KIF16B: variants seen among roughly 807,000 people sequenced by gnomAD.
The protein encoded by KIF16B is kinesin-like protein KIF16B.
KIF16B carries 98 observed loss-of-function variants against 156.3 expected under a neutral mutation model. The ratio of observed to expected loss-of-function variants is 0.63; its 90% CI spans 0.53 to 0.74. The LOEUF (loss-of-function observed/expected upper bound fraction) is 0.74. KIF16B is among the 30% of genes least tolerant of loss of function. The pLI is 0.00. For synonymous variants in KIF16B, 564 were observed against 583.7 expected, an observed-to-expected ratio of 0.97 and a Z score of 0.49; for missense variants, 1,421 against 1,606.5, an observed-to-expected ratio of 0.88 and a Z score of 1.97.
chr20:16,532,349 C>T (rs780441758), intron 1 of KIF16B, among the ~76,000 whole-genome samples: 6 of 152,134 alleles, frequency 3.9e-5, no homozygotes, highest in Admixed American at 6.5e-5. Context: ...TGAACAAACC[C>T]AAAAAGCATT....
chr20:16,396,418 T>TA (rs1221170119), intron 17 of KIF16B, among the ~76,000 whole-genome samples: 1 of 151,900 alleles, frequency 6.6e-6, no homozygotes, highest in South Asian at 2.1e-4. Context: ...TAAAATAATG[T>TA]AAAAAAATTT....
intron 1 of KIF16B, among the ~76,000 whole-genome samples, chr20:16,531,962 G>C (rs1213726735): frequency 1.3e-5 from 2 of 151,842 alleles, no homozygotes; most frequent in Non-Finnish European, 2.9e-5. Context: ...CAGTTACTTG[G>C]GAGGCTGAGG....
At chr20:16,488,579 T>C (rs923154609) in intron 12 of KIF16B, among the ~76,000 whole-genome samples, 6 of 152,046 alleles carry the variant, frequency 3.9e-5, no homozygotes, top group Admixed American at 2.0e-4. Flanking sequence ...CAATAAAACA[T>C]AGGGGACTTG....
intron 17 of KIF16B, among the ~76,000 whole-genome samples, chr20:16,396,224 G>T (rs11906447): frequency 1.3e-5 from 2 of 151,898 alleles, no homozygotes; most frequent in African/African-American, 4.8e-5. Context: ...TCTAGGTTGC[G>T]CGCTCCTTAT....
At chr20:16,555,396 C>T (rs1224717043) in intron 1 of KIF16B, among the ~76,000 whole-genome samples, 1 of 152,166 alleles carries the variant, frequency 6.6e-6, no homozygotes, top group East Asian at 1.9e-4. Flanking sequence ...AGAACCTACC[C>T]TTCCACATGC....
intron 12 of KIF16B, among the ~76,000 whole-genome samples, chr20:16,456,130 TACA>T (rs1377668115): frequency 3.8e-4 from 58 of 151,856 alleles, no homozygotes; most frequent in African/African-American, 1.4e-3. Context: ...TACAATACAA[TACA>T]ATACAATACA....
At chr20:16,565,110 T>C (rs1397961777) in intron 1 of KIF16B, among the ~76,000 whole-genome samples, 2 of 152,244 alleles carry the variant, frequency 1.3e-5, no homozygotes, top group African/African-American at 4.8e-5. Context: ...ATTTATTTAT[T>C]TCATCTGATC....
chr20:16,302,375 GA>G lies in KIF16B; in HGVS notation c.3795+9959del, dbSNP rs548458345. ...CCATTTATTGAAAAGACTATTTGTT[GA>G]AAAGACTATCTTTACTTCATTTTAT... is the stretch of plus-strand genomic sequence containing the variant. On this transcript the variant is annotated intron_variant, in intron 25 of 25. Transcript: ENST00000354981. 8.9e-4 allele frequency among the ~76,000 whole-genome samples: 136 copies of G among 152,304 alleles called. 1 individual carries two copies. Among genetic ancestry groups the G allele is most frequent in the African/African-American group, 3.1e-3 (129 of 41,562 alleles).
intron 3 of KIF16B, among the ~76,000 whole-genome samples, chr20:16,521,564 G>A (rs557603111): frequency 2.2e-4 from 33 of 152,168 alleles, no homozygotes; most frequent in African/African-American, 6.7e-4. Flanking sequence ...TCAAACTGAC[G>A]GGGAGAATGG....
chr20:16,329,802 T>G (rs1324590080), intron 24 of KIF16B, among the ~76,000 whole-genome samples: 1 of 152,046 alleles, frequency 6.6e-6, no homozygotes, highest in African/African-American at 2.4e-5. Context: ...CTGCTAAGAT[T>G]AAAGAAAATG....
chr20:16,452,173 G>C (rs1391820736), intron 12 of KIF16B, among the ~76,000 whole-genome samples: 1 of 152,070 alleles, frequency 6.6e-6, no homozygotes, highest in Non-Finnish European at 1.5e-5. Flanking sequence ...GAACAGGGTG[G>C]AGAAGGGAGC....
intron 12 of KIF16B, among the ~76,000 whole-genome samples, chr20:16,441,225 A>G (rs1163265875): frequency 6.6e-6 from 1 of 152,196 alleles, no homozygotes; most frequent in African/African-American, 2.4e-5. Context: ...TCAGTCTGAC[A>G]TTGGCCTTAC....
intron 12 of KIF16B, among the ~76,000 whole-genome samples, chr20:16,438,102 G>C (rs535884678): frequency 7.7e-4 from 117 of 152,002 alleles, no homozygotes; most frequent in Non-Finnish European, 1.4e-3. Flanking sequence ...AGCCAAGATT[G>C]TGCCACTGCA....
chr20:16,320,092 G>T (rs1449749785), intron 24 of KIF16B, among the ~76,000 whole-genome samples: 2 of 152,070 alleles, frequency 1.3e-5, no homozygotes, highest in East Asian at 3.9e-4. Flanking sequence ...TGAAATAACT[G>T]TAAGCCTCAG....
At chr20:16,556,578 C>CA (rs1200177054) in intron 1 of KIF16B, among the ~76,000 whole-genome samples, 1 of 152,184 alleles carries the variant, frequency 6.6e-6, no homozygotes, top group Non-Finnish European at 1.5e-5. Context: ...CAGGCCAACA[C>CA]ATGTTCTCAC....
chr20:16,486,209 C>T (rs2068110473), intron 12 of KIF16B, among the ~76,000 whole-genome samples: 1 of 152,032 alleles, frequency 6.6e-6, no homozygotes, highest in Non-Finnish European at 1.5e-5. Context: ...TTGTTTTGCT[C>T]ACTGGGTATA....
At chr20:16,412,362 A>G (rs1235467409) in intron 15 of KIF16B, among the ~76,000 whole-genome samples, 1 of 152,136 alleles carries the variant, frequency 6.6e-6, no homozygotes, top group Non-Finnish European at 1.5e-5. Context: ...TACTGGGCAC[A>G]GGCAACTCTT....
chr20:16,396,824 A>C (rs987565791), intron 17 of KIF16B, among the ~76,000 whole-genome samples: 1 of 152,126 alleles, frequency 6.6e-6, no homozygotes, highest in Non-Finnish European at 1.5e-5. Flanking sequence ...CCTGATGCTA[A>C]CCAAACCCCC....
At chr20:16,394,952 C>A (rs2065455703) in intron 17 of KIF16B, among the ~76,000 whole-genome samples, 1 of 151,734 alleles carries the variant, frequency 6.6e-6, no homozygotes, top group South Asian at 2.1e-4. Context: ...AAGTGCATTC[C>A]CCTTAGTTCA....
Sources: allele counts gnomAD v4.1 joint callset (sites outside exome capture counted in the v4.1 genomes callset), GRCh38; gene constraint gnomAD v4.1.1; transcripts MANE v1.5; gene names NCBI Gene and HGNC (gene_info 2026-07-23, HGNC 2026-07-21).